Variants in MCC observed in about 807,000 individuals in gnomAD.
MCC encodes the protein colorectal mutant cancer protein.
In MCC, 90 loss-of-function variants were observed where a neutral mutation model predicts 116.2. The observed-to-expected ratio is 0.77, with a 90% CI of 0.65 to 0.92. The LOEUF (loss-of-function observed/expected upper bound fraction) is 0.92. MCC is among the 40% of genes least tolerant of loss of function. The pLI is 0.00. For missense variants in MCC, 1,516 were observed against 1,312.2 expected, an observed-to-expected ratio of 1.16 and a Z score of -2.40; for synonymous variants, 578 against 510.5, an observed-to-expected ratio of 1.13 and a Z score of -1.78.
At chr5:113,291,878 A>G (rs1214599387) in intron 3 of MCC, among the ~76,000 whole-genome samples, 3 of 152,224 alleles carry the variant, frequency 2.0e-5, no homozygotes, top group Non-Finnish European at 1.5e-5. Context: ...GGTAAATACT[A>G]AAGTTATTGC....
chr5:113,074,493 C>T (rs1469057857), intron 11 of MCC, among the ~76,000 whole-genome samples: 6 of 152,232 alleles, frequency 3.9e-5, no homozygotes, highest in East Asian at 1.9e-4. Flanking sequence ...CAAAGGAAGA[C>T]AGCTCCTCGC....
At chr5:113,307,931 T>C (rs943218767) in intron 3 of MCC, among the ~76,000 whole-genome samples, 2 of 152,108 alleles carry the variant, frequency 1.3e-5, no homozygotes, top group African/African-American at 2.4e-5. Flanking sequence ...CCTGTTGCTC[T>C]TTCTCCTGCG....
chr5:113,163,115 C>A (rs901724298), intron 3 of MCC, among the ~76,000 whole-genome samples: 1 of 152,120 alleles, frequency 6.6e-6, no homozygotes, highest in Non-Finnish European at 1.5e-5. Context: ...CCGCTTTGCA[C>A]CCTCTGCCTC....
chr5:113,289,443 C>A (rs1435407174), intron 3 of MCC, among the ~76,000 whole-genome samples: 3 of 152,166 alleles, frequency 2.0e-5, no homozygotes, highest in South Asian at 2.1e-4. Context: ...CTTTGTGACA[C>A]CCCTCTTGGA....
At chr5:113,304,099 C>T (rs1581386587) in intron 3 of MCC, among the ~76,000 whole-genome samples, 4 of 152,120 alleles carry the variant, frequency 2.6e-5, no homozygotes, top group African/African-American at 4.8e-5. Flanking sequence ...AGAAGCACCT[C>T]GGCAAGGATT....
intron 1 of MCC, among the ~76,000 whole-genome samples, chr5:113,441,575 C>G (rs1489487163): frequency 6.6e-6 from 1 of 152,002 alleles, no homozygotes; most frequent in African/African-American, 2.4e-5. Flanking sequence ...CATAAGTATA[C>G]CTGTGCCATG....
At chr5:113,282,390 T>C (rs1301391567) in intron 3 of MCC, among the ~76,000 whole-genome samples, 1 of 152,166 alleles carries the variant, frequency 6.6e-6, no homozygotes, top group Non-Finnish European at 1.5e-5. Flanking sequence ...TCAGCAGTAA[T>C]TACATGTGTG....
intron 1 of MCC, among the ~76,000 whole-genome samples, chr5:113,480,482 TG>T (rs957167605): frequency 3.9e-5 from 6 of 152,260 alleles, no homozygotes; most frequent in African/African-American, 1.4e-4. Flanking sequence ...TTGTTCTGTG[TG>T]AATCAGGTTG....
chr5:113,278,611 C>A (rs1426285343), intron 3 of MCC, among the ~76,000 whole-genome samples: 3 of 152,022 alleles, frequency 2.0e-5, no homozygotes, highest in Non-Finnish European at 4.4e-5. Context: ...GGATAGTATA[C>A]CAGTGGAGGA....
At position 113,101,785 on chromosome 5, in the gene MCC, G is replaced by C; in HGVS notation, c.1352C>G (p.Ala451Gly). Residue 451 changes from alanine (A) to glycine (G), a missense_variant, in exon 8 of 19, where the codon GCC becomes GGC. Transcript: ENST00000408903. Reference protein sequence around the residue: ...SKEEELNRTKATMNAIREERD... With the variant: ...SKEEELNRTKGTMNAIREERD... ...CTCTTCCCGGATGGCATTCATGGTGGCCTTAGTCCGGTTCAGTTCTTCCTC... is the reference window on the plus strand; with the variant it reads ...CTCTTCCCGGATGGCATTCATGGTGCCCTTAGTCCGGTTCAGTTCTTCCTC... The C allele has an allele frequency of 6.2e-7, 1 of 1,613,404 alleles. No individual in the cohort carries two copies. The highest frequency in any genetic ancestry group is 8.5e-7 in the Non-Finnish European group (1 of 1,180,006).
chr5:113,135,361 T>A (rs1223386350), intron 5 of MCC, among the ~76,000 whole-genome samples: 9 of 144,688 alleles, frequency 6.2e-5, no homozygotes, highest in African/African-American at 2.3e-4. Flanking sequence ...GAGACCAGCC[T>A]GGCTAACGTG....
At chr5:113,161,702 T>C (rs1760497053) in intron 3 of MCC, among the ~76,000 whole-genome samples, 1 of 149,620 alleles carries the variant, frequency 6.7e-6, no homozygotes, top group Admixed American at 6.6e-5. Flanking sequence ...AGACATGCAA[T>C]TACCAACATA....
chr5:113,281,510 T>C (rs1178821795), intron 3 of MCC, among the ~76,000 whole-genome samples: 1 of 152,194 alleles, frequency 6.6e-6, no homozygotes, highest in East Asian at 1.9e-4. Context: ...TCAATCATGA[T>C]GGTCATCCAA....
intron 1 of MCC, chr5:113,436,669 G>C (rs750300669): frequency 7.2e-5 from 11 of 152,132 alleles, no homozygotes; most frequent in Non-Finnish European, 1.3e-4. Context: ...TCCCTTTCTA[G>C]CTCTTTTCTC....
chr5:113,318,563 A>G (rs1175279102), intron 3 of MCC, among the ~76,000 whole-genome samples: 3 of 152,232 alleles, frequency 2.0e-5, no homozygotes, highest in African/African-American at 7.2e-5. Flanking sequence ...CATTACCCTT[A>G]GCAAACTAAC....
chr5:113,162,870 T>A (rs1413466383), intron 3 of MCC, among the ~76,000 whole-genome samples: 2 of 152,118 alleles, frequency 1.3e-5, no homozygotes, highest in African/African-American at 4.8e-5. Context: ...CAAAATAAAA[T>A]CAGGCTTTGA....
intron 1 of MCC, chr5:113,428,673 G>A (rs1232293170): frequency 6.6e-6 from 1 of 152,068 alleles, no homozygotes; most frequent in Non-Finnish European, 1.5e-5. Flanking sequence ...TTGATCCCAA[G>A]TGTAATCCTA....
chr5:113,195,938 AC>A (rs1365847555), intron 3 of MCC, among the ~76,000 whole-genome samples: 2 of 151,324 alleles, frequency 1.3e-5, no homozygotes, highest in Non-Finnish European at 2.9e-5. Context: ...TGCATCTGTC[AC>A]CCCCTCAGGG....
chr5:113,235,441 A>C (rs1035301623), intron 3 of MCC, among the ~76,000 whole-genome samples: 9 of 152,232 alleles, frequency 5.9e-5, no homozygotes, highest in Non-Finnish European at 1.3e-4. Flanking sequence ...TCATTCCACT[A>C]AACAAGAGAG....
Sources: allele counts gnomAD v4.1 joint callset (sites outside exome capture counted in the v4.1 genomes callset), GRCh38; gene constraint gnomAD v4.1.1; transcripts MANE v1.5; gene names NCBI Gene and HGNC (gene_info 2026-07-23, HGNC 2026-07-21).